Variants in MS4A7 observed in about 807,000 individuals in gnomAD.
MS4A7 encodes membrane spanning 4-domains A7, also known as membrane-spanning 4-domains subfamily A member 7.
Under a neutral mutation model 23.5 loss-of-function variants are expected in MS4A7, and 21 were observed. The ratio of observed to expected loss-of-function variants is 0.89; its 90% confidence interval spans 0.63 to 1.29. The LOEUF (loss-of-function observed/expected upper bound fraction) is 1.29. Among genes scored for constraint, MS4A7 ranks in the 50% most tolerant of loss-of-function variants. The pLI is 0.00. For missense variants in MS4A7, 263 were observed against 274.2 expected (o/e 0.96, Z 0.29); for synonymous variants, 111 against 107.4 (o/e 1.03, Z -0.21).
chr11:60,392,743 G>C lies in MS4A7; in HGVS notation c.605G>C (p.Ser202Thr), dbSNP rs771182925. 6.2e-7 allele frequency: 1 copy of C among 1,613,868 alleles called. No individual in the cohort carries two copies. Among genetic ancestry groups the C allele is most frequent in the Non-Finnish European group, 8.5e-7 (1 of 1,179,962 alleles). ...TVLELLLAAY[S>T]SVFWWKQLYS... The stretch of plus-strand genomic sequence containing the variant: ...CTGGAGCTCTTATTAGCTGCATACA[G>C]TTCTGTCTTTTGGTGGAAACAGCTC... Residue 202 changes from serine (S) to threonine (T), a missense_variant, in exon 6 of 7, where the codon AGT (serine) becomes ACT (threonine). Ser to Thr is a moderately conservative substitution (Grantham distance 58). Transcript: ENST00000300184.
intron 3 of MS4A7, 114 bp from the exon 4 acceptor site, chr11:60,386,603 G>A (rs2135100145): frequency 1.3e-6 from 1 of 784,170 alleles, no homozygotes; most frequent in Non-Finnish European, 2.2e-6. Flanking sequence ...TTTCTGCAGT[G>A]TTCTCTCCCT....
rs867422405 is a variant in MS4A7, at chr11:60,392,782, C to G, written c.644C>G (p.Pro215Arg). 6.2e-7 allele frequency: 1 copy of G among 1,609,290 alleles called. No individual in the cohort carries two copies. The highest frequency in any genetic ancestry group is 2.2e-5 in the East Asian group (1 of 44,862). ...FWWKQLYSNN[P>R]GSSFSSTQSQ... is the part of the protein sequence containing the mutation. ...TGGAAACAGCTCTACTCCAACAACC[C>G]TGGGGTGAGTATGCTGACATGTCGC... The change falls in exon 6 of 7, where the codon CCT becomes CGT. Residue 215 changes from proline to arginine, a missense_variant. Coordinates refer to ENST00000300184, the MANE Select transcript of MS4A7 (RefSeq NM_021201.5).
At chr11:60,386,503 C>A in intron 3 of MS4A7, 1 of 462,094 alleles carries the variant, frequency 2.2e-6, no homozygotes, top group Non-Finnish European at 3.8e-6. Context: ...AATCCAACCC[C>A]TCTGTGCATC....
intron 4 of MS4A7, among the ~76,000 whole-genome samples, chr11:60,387,287 G>T (rs2085502064): frequency 1.3e-5 from 2 of 152,148 alleles, no homozygotes; most frequent in Non-Finnish European, 2.9e-5. Flanking sequence ...AGCCCAGAAA[G>T]CCTATATCCT....
chr11:60,381,392 C>T lies in MS4A7; in HGVS notation c.-13-1737C>T, dbSNP rs113483036. Among the ~76,000 whole-genome samples, 552 of 152,166 alleles carry T rather than the reference C, an allele frequency of 3.6e-3. 10 individuals are homozygous for T. In the East Asian group the frequency reaches 0.043, roughly 12 times the overall value. ...TTCTTCAGATAAAGTATCTCATGCC[C>T]GGAGAGCATGAGAAACTAGACTAAG... On this transcript the variant is annotated intron_variant, in intron 1 of 6. Coordinates refer to ENST00000300184, the MANE Select transcript of MS4A7 (RefSeq NM_021201.5).
Position 60,384,152 on chromosome 11 carries a change from A to G in MS4A7, c.147+864A>G, listed in dbSNP as rs150219171. Among the ~76,000 whole-genome samples the G allele has an allele frequency of 5.7e-3, 874 of 152,242 alleles. 7 individuals are homozygous for G. The highest frequency in any genetic ancestry group is 0.021 in the South Asian group (101 of 4,820). ...TCCCTGCCCTGTTTCTTTACAATCT[A>G]TTCTTAGTACAGCAGGTAGGGTACT... On this transcript the variant is annotated intron_variant, in intron 2 of 6. Transcript: ENST00000300184.
chr11:60,392,743 G>T lies in MS4A7; in HGVS notation c.605G>T (p.Ser202Ile). ...CTGGAGCTCTTATTAGCTGCATACA[G>T]TTCTGTCTTTTGGTGGAAACAGCTC... Reference protein sequence around the residue: ...TVLELLLAAYSSVFWWKQLYS... With the variant: ...TVLELLLAAYISVFWWKQLYS... Residue 202 changes from serine to isoleucine, a missense_variant, in exon 6 of 7, where the codon AGT (serine) becomes ATT (isoleucine). By Grantham distance (142) the Ser-to-Ile change is moderately radical. Transcript: ENST00000300184. 6.2e-7 allele frequency: 1 copy of T among 1,613,988 alleles called. No individual in the cohort carries two copies. Among genetic ancestry groups the T allele is most frequent in the Non-Finnish European group, 8.5e-7 (1 of 1,179,954 alleles).
intron 1 of MS4A7, among the ~76,000 whole-genome samples, chr11:60,379,496 A>G (rs556915552): frequency 7.9e-5 from 12 of 152,180 alleles, no homozygotes; most frequent in African/African-American, 2.6e-4. Context: ...AAATAATTGT[A>G]GCCTTTTAAC....
chr11:60,385,521 C>T (rs1441806956), intron 3 of MS4A7, among the ~76,000 whole-genome samples: 1 of 152,184 alleles, frequency 6.6e-6, no homozygotes, highest in African/African-American at 2.4e-5. Context: ...TTTTCCATAT[C>T]CCTCTTTGAG....
intron 5 of MS4A7, 80 bp from the exon 6 acceptor site, chr11:60,392,605 C>T (rs926611055): frequency 2.0e-6 from 2 of 996,366 alleles, no homozygotes; most frequent in East Asian, 2.5e-5. Flanking sequence ...ATTGCTGGAG[C>T]CTCATCGCCC....
At chr11:60,379,730 T>C (rs940265445) in intron 1 of MS4A7, among the ~76,000 whole-genome samples, 2 of 152,160 alleles carry the variant, frequency 1.3e-5, no homozygotes, top group East Asian at 1.9e-4. Context: ...AGACGGGGTT[T>C]CACCATGTTG....
chr11:60,392,847 C>A, intron 6 of MS4A7, 61 bp downstream of exon 6: 1 of 1,238,534 alleles, frequency 8.1e-7, no homozygotes, highest in Non-Finnish European at 1.2e-6. Context: ...TACAATAATC[C>A]AACCTCAAAA....
chr11:60,385,288 G>A (rs180780819), intron 3 of MS4A7, 66 bp downstream of exon 3: 1 of 1,585,180 alleles, frequency 6.3e-7, no homozygotes, highest in Admixed American at 1.7e-5. Context: ...CATAGTCGTG[G>A]AGTGACTCAG....
At chr11:60,387,315 C>T (rs2085502553) in intron 4 of MS4A7, among the ~76,000 whole-genome samples, 1 of 152,108 alleles carries the variant, frequency 6.6e-6, no homozygotes, top group South Asian at 2.1e-4. Context: ...CCCTTACTCC[C>T]CAGGCAAAGC....
intron 1 of MS4A7, among the ~76,000 whole-genome samples, 152 bp from the exon 2 acceptor site, chr11:60,382,977 C>A (rs1032079829): frequency 6.6e-6 from 1 of 152,238 alleles, no homozygotes; most frequent in Non-Finnish European, 1.5e-5. Flanking sequence ...CTTTCCAATG[C>A]TCCACTGATC....
Position 60,383,266 on chromosome 11 carries a change from C to A in MS4A7, c.125C>A (p.Pro42Gln). 2 of 1,614,076 alleles carry A rather than the reference C, an allele frequency of 1.2e-6. No homozygotes were observed. The highest frequency in any genetic ancestry group is 1.7e-6 in the Non-Finnish European group (2 of 1,179,990). The change falls in exon 2 of 7, where the codon CCA becomes CAA. Residue 42 changes from proline to glutamine, a missense_variant. By Grantham distance (76) the Pro-to-Gln change is moderately conservative. Coordinates refer to ENST00000300184, the MANE Select transcript of MS4A7 (RefSeq NM_021201.5). Reference sequence around the variant, plus strand: ...GAAGATTACCTGCAGAACGGGCTGCCAACAGAAACCACCGTTCTTGGGGTA... The same window carrying A: ...GAAGATTACCTGCAGAACGGGCTGCAAACAGAAACCACCGTTCTTGGGGTA... The part of the protein sequence containing the change: ...QNEDYLQNGL[P>Q]TETTVLGTVQ...
At chr11:60,382,739 T>C (rs2085443869) in intron 1 of MS4A7, among the ~76,000 whole-genome samples, 1 of 152,094 alleles carries the variant, frequency 6.6e-6, no homozygotes. Context: ...TCCTGGAAGA[T>C]GTGGTGTGAG....
intron 4 of MS4A7, 75 bp downstream of exon 4, chr11:60,386,848 A>C: frequency 7.9e-7 from 1 of 1,259,850 alleles, no homozygotes; most frequent in Non-Finnish European, 1.1e-6. Flanking sequence ...TAGTTTAAAA[A>C]TCCCTATTTT....
chr11:60,391,744 T>C (rs540051027), intron 5 of MS4A7, among the ~76,000 whole-genome samples: 1 of 151,410 alleles, frequency 6.6e-6, no homozygotes, highest in Admixed American at 6.6e-5. Context: ...CATGGTGAAA[T>C]GCTGTCTCTA....
Sources: allele counts gnomAD v4.1 joint callset (sites outside exome capture counted in the v4.1 genomes callset), GRCh38; gene constraint gnomAD v4.1.1; transcripts MANE v1.5; gene names NCBI Gene and HGNC (gene_info 2026-07-23, HGNC 2026-07-21).